Variants in WWOX observed in about 807,000 individuals in gnomAD.
WWOX encodes the protein WW domain-containing oxidoreductase.
A neutral mutation model predicts 46.2 loss-of-function variants in WWOX; 69 were observed. The observed-to-expected ratio is 1.49, with a 90% confidence interval of 1.23 to 1.82. The LOEUF is 1.82. Among genes scored for constraint, WWOX ranks in the 40% most tolerant of loss-of-function variants. The pLI is 0.00. For missense variants in WWOX, 919 were observed against 542.6 expected (o/e 1.69, Z -6.89); for synonymous variants, 359 against 202.6 (o/e 1.77, Z -6.56).
At chr16:79,147,171 C>T (rs2050197009) in intron 8 of WWOX, among the ~76,000 whole-genome samples, 1 of 152,118 alleles carries the variant, frequency 6.6e-6, no homozygotes, top group African/African-American at 2.4e-5. Flanking sequence ...TTCCTTTATA[C>T]ACAACTACAT....
chr16:78,575,046 T>TATATAA (rs2044832794), intron 8 of WWOX, among the ~76,000 whole-genome samples: 3 of 8,380 alleles, frequency 3.6e-4, no homozygotes, highest in Admixed American at 1.9e-3. Context: ...TATATATATA[T>TATATAA]ATATATATAT....
chr16:78,625,019 C>T (rs2046280209), intron 8 of WWOX, among the ~76,000 whole-genome samples: 1 of 152,152 alleles, frequency 6.6e-6, no homozygotes, highest in Non-Finnish European at 1.5e-5. Context: ...ATCACTGGAA[C>T]AAGAGCCTGT....
chr16:78,868,413 T>C (rs911774445), intron 8 of WWOX, among the ~76,000 whole-genome samples: 3 of 151,906 alleles, frequency 2.0e-5, no homozygotes, highest in Non-Finnish European at 2.9e-5. Context: ...TGGGGCAATT[T>C]TGGGGGGTCA....
intron 8 of WWOX, among the ~76,000 whole-genome samples, chr16:79,175,652 C>T (rs756180588): frequency 3.0e-4 from 46 of 152,304 alleles, no homozygotes; most frequent in Admixed American, 5.2e-4. Context: ...TGAGGACGTG[C>T]TCTGATTCTG....
At chr16:78,121,742 A>G (rs953538723) in intron 4 of WWOX, among the ~76,000 whole-genome samples, 9 of 151,860 alleles carry the variant, frequency 5.9e-5, no homozygotes, top group African/African-American at 1.2e-4. Context: ...GCTCACTGCA[A>G]CCTTTGTCTC....
At chr16:78,114,274 A>G (rs1335193193) in intron 3 of WWOX, among the ~76,000 whole-genome samples, 1 of 151,880 alleles carries the variant, frequency 6.6e-6, no homozygotes, top group Non-Finnish European at 1.5e-5. Flanking sequence ...AATTTTGTTT[A>G]GTGTTTGTAG....
At chr16:78,149,723 C>G (rs2075106627) in intron 4 of WWOX, among the ~76,000 whole-genome samples, 1 of 152,126 alleles carries the variant, frequency 6.6e-6, no homozygotes, top group Non-Finnish European at 1.5e-5. Flanking sequence ...CTCGTAATAT[C>G]CACAGAGAAT....
chr16:78,410,970 T>A (rs2082667340), intron 6 of WWOX, among the ~76,000 whole-genome samples: 1 of 152,112 alleles, frequency 6.6e-6, no homozygotes, highest in Admixed American at 6.6e-5. Flanking sequence ...GAACCTCAGT[T>A]CCCTGCCATG....
At chr16:78,584,942 A>C (rs1280009754) in intron 8 of WWOX, among the ~76,000 whole-genome samples, 2 of 152,234 alleles carry the variant, frequency 1.3e-5, no homozygotes, top group Non-Finnish European at 1.5e-5. Flanking sequence ...CAAAGCACAC[A>C]GTGGGTTTTC....
intron 6 of WWOX, among the ~76,000 whole-genome samples, chr16:78,418,673 TATAAC>T (rs1296675429): frequency 3.9e-5 from 6 of 152,274 alleles, no homozygotes; most frequent in Admixed American, 6.5e-5. Flanking sequence ...GTCAATATAA[TATAAC>T]ATAATAGTAG....
At chr16:79,014,058 C>A (rs965913206) in intron 8 of WWOX, among the ~76,000 whole-genome samples, 2 of 152,148 alleles carry the variant, frequency 1.3e-5, no homozygotes, top group Admixed American at 1.3e-4. Flanking sequence ...TCCTGAGAGC[C>A]GCTGGGGAAC....
At chr16:78,762,246 G>T (rs902407928) in intron 8 of WWOX, among the ~76,000 whole-genome samples, 2 of 152,176 alleles carry the variant, frequency 1.3e-5, no homozygotes, top group Non-Finnish European at 2.9e-5. Context: ...TTAAGACTGT[G>T]CCCTTTCATC....
chr16:79,137,159 T>A (rs1367325138), intron 8 of WWOX, among the ~76,000 whole-genome samples: 1 of 152,346 alleles, frequency 6.6e-6, no homozygotes, highest in South Asian at 2.1e-4. Context: ...AGCAGGCACA[T>A]GCAACGTCCA....
intron 8 of WWOX, among the ~76,000 whole-genome samples, chr16:78,782,168 A>G (rs899587539): frequency 1.3e-5 from 2 of 152,006 alleles, no homozygotes; most frequent in East Asian, 1.9e-4. Flanking sequence ...TCGCCTTGCC[A>G]TCACCTTCAC....
chr16:78,825,457 G>A (rs2051626080), intron 8 of WWOX: 2 of 400,900 alleles, frequency 5.0e-6, no homozygotes, highest in South Asian at 4.1e-5. Flanking sequence ...AAATGTTCCT[G>A]GTGAGAACAG....
At chr16:78,761,340 A>C (rs2142489426) in intron 8 of WWOX, among the ~76,000 whole-genome samples, 1 of 152,268 alleles carries the variant, frequency 6.6e-6, no homozygotes, top group East Asian at 1.9e-4. Context: ...ATTTACTCAC[A>C]AATTTAAAAG....
At chr16:78,386,273 T>C (rs1400390325) in intron 5 of WWOX, among the ~76,000 whole-genome samples, 1 of 152,202 alleles carries the variant, frequency 6.6e-6, no homozygotes, top group Non-Finnish European at 1.5e-5. Flanking sequence ...ATTATTCCTA[T>C]CACCAGCATG....
At chr16:78,858,749 G>C (rs902047524) in intron 8 of WWOX, among the ~76,000 whole-genome samples, 2 of 151,732 alleles carry the variant, frequency 1.3e-5, no homozygotes, top group Non-Finnish European at 2.9e-5. Flanking sequence ...CACAATCACA[G>C]CTCACTGCAG....
chr16:78,333,130 A>G (rs1171715371), intron 5 of WWOX, among the ~76,000 whole-genome samples: 3 of 134,602 alleles, frequency 2.2e-5, no homozygotes, highest in African/African-American at 8.3e-5. Context: ...GGCACACTGC[A>G]ACCTTCGCCT....
Sources: gnomAD v4.1 joint callset for allele counts (sites outside exome capture counted in the v4.1 genomes callset) on GRCh38, gnomAD v4.1.1 for gene constraint, MANE v1.5 for transcripts, NCBI Gene and HGNC (gene_info 2026-07-23, HGNC 2026-07-21) for gene names.